SNX29: variants seen among roughly 807,000 people sequenced by gnomAD.
SNX29 encodes the protein sorting nexin-29.
A neutral mutation model predicts 102.1 loss-of-function variants in SNX29; 78 were observed. The observed-to-expected ratio is 0.76, with a 90% CI of 0.64 to 0.92. SNX29 has a LOEUF of 0.92. Ranked by LOEUF, SNX29 falls within the 40% of genes least tolerant of loss-of-function variation. The probability of loss-of-function intolerance (pLI) is 0.00; values close to 1 mark genes in which losing one functional copy is unlikely to be tolerated. For missense variants in SNX29, 1,280 were observed against 1,061.7 expected (o/e 1.21, Z -2.86); for synonymous variants, 580 against 414.5 (o/e 1.40, Z -4.85).
At chr16:11,985,119 A>G (rs770350547) in intron 1 of SNX29, among the ~76,000 whole-genome samples, 6 of 151,972 alleles carry the variant, frequency 3.9e-5, no homozygotes, top group African/African-American at 1.5e-4. Flanking sequence ...TTGGCCTATA[A>G]TTAAACTCAG....
intron 20 of SNX29, among the ~76,000 whole-genome samples, chr16:12,532,379 G>A (rs753447111): frequency 5.3e-5 from 8 of 152,160 alleles, no homozygotes; most frequent in East Asian, 1.9e-4. Context: ...TCCCAGCAGC[G>A]TTCACTTGTG....
At chr16:12,532,455 A>G (rs970550780) in intron 20 of SNX29, among the ~76,000 whole-genome samples, 7 of 152,180 alleles carry the variant, frequency 4.6e-5, no homozygotes, top group African/African-American at 1.7e-4. Flanking sequence ...GCTCAATATT[A>G]TTAAGCAAAC....
In SNX29 at chr16:12,398,460, G is replaced by A. The variant is rs753383932; in HGVS notation, c.1914G>A (p.Leu638=). Residue 638 remains leucine (L), a synonymous_variant, in exon 17 of 21, where the codon TTG becomes TTA. Transcript: ENST00000566228. The part of the protein sequence containing the change: ...IDLRGPVPGD[L]SQTSEDQSLS... ...CCTGATGGTAGGTGCCTGGAGATTT[G>A]AGTCAAACGTCCGAAGACCAGAGTT... 3 of 1,613,976 alleles carry A rather than the reference G, an allele frequency of 1.9e-6. No homozygotes were observed. The highest frequency in any genetic ancestry group is 1.1e-5 in the South Asian group (1 of 91,082).
chr16:12,196,157 G>GT (rs2076768035), intron 13 of SNX29, among the ~76,000 whole-genome samples: 1 of 151,900 alleles, frequency 6.6e-6, no homozygotes, highest in African/African-American at 2.4e-5. Context: ...TGCATTTTTT[G>GT]TAGAGATGGG....
At chr16:12,044,606 T>G (rs1307102210) in intron 5 of SNX29, among the ~76,000 whole-genome samples, 1 of 152,062 alleles carries the variant, frequency 6.6e-6, no homozygotes, top group African/African-American at 2.4e-5. Flanking sequence ...TGAGAAGAAG[T>G]CTCGCTTTTT....
At chr16:12,086,249 C>T (rs1017608551) in intron 11 of SNX29, among the ~76,000 whole-genome samples, 2 of 152,044 alleles carry the variant, frequency 1.3e-5, no homozygotes, top group Admixed American at 6.6e-5. Flanking sequence ...TGTGATCTGC[C>T]CGCCTCGGCG....
intron 20 of SNX29, among the ~76,000 whole-genome samples, chr16:12,542,450 G>C (rs192210267): frequency 1.3e-5 from 2 of 152,316 alleles, no homozygotes; most frequent in East Asian, 1.9e-4. Context: ...TGTTTCCTCA[G>C]CTTCCCAAGT....
At chr16:12,557,167 A>G (rs535829563) in intron 20 of SNX29, among the ~76,000 whole-genome samples, 2 of 152,202 alleles carry the variant, frequency 1.3e-5, no homozygotes, top group Admixed American at 1.3e-4. Context: ...CATTTTGGCT[A>G]TGTTCAAGGT....
chr16:12,506,669 A>T (rs1347054725), intron 19 of SNX29, among the ~76,000 whole-genome samples: 1 of 152,172 alleles, frequency 6.6e-6, no homozygotes. Context: ...ATTTCTTAGA[A>T]TCGTGTTCAG....
chr16:12,360,659 C>T (rs2082275494), intron 16 of SNX29, among the ~76,000 whole-genome samples: 1 of 151,588 alleles, frequency 6.6e-6, no homozygotes, highest in African/African-American at 2.4e-5. Context: ...CCACCCCCTA[C>T]CGTATTGAAA....
In SNX29 at chr16:12,228,138, A is replaced by G. The variant is rs551521785; in HGVS notation, c.1678+28455A>G. Among the ~76,000 whole-genome samples, 4 of 152,312 alleles carry G rather than the reference A, an allele frequency of 2.6e-5. No individual in the cohort carries two copies. The South Asian group carries it at 8.3e-4, about 32-fold the overall frequency. On this transcript the variant is annotated intron_variant, in intron 14 of 20. Coordinates refer to ENST00000566228, the MANE Select transcript of SNX29 (RefSeq NM_032167.5). The stretch of plus-strand genomic sequence containing the variant: ...AAAGAAAAGGAGAATGTCAGACCTT[A>G]CCGTCTCAGAGTCTGCACTTTAACA...
At position 12,329,276 on chromosome 16, in the gene SNX29, C is replaced by CCAAAAA. The variant is rs2081222328; in HGVS notation, c.1783-26887_1783-26886insCAAAAA. 3.4e-5 allele frequency among the ~76,000 whole-genome samples: 3 copies of CCAAAAA among 88,838 alleles called. No individual in the cohort carries two copies. The South Asian group carries it at 1.7e-3, about 50-fold the overall frequency. 58.3% of individuals were successfully genotyped at this position (88,838 alleles called of 152,430 possible). On this transcript the variant is annotated intron_variant, in intron 15 of 20. Transcript: ENST00000566228. ...TGAGCAACATGGTGAGACCTTGTCT[C>CCAAAAA]AAAAAAAAAAAAAAAAAAAGTGAAA...
intron 11 of SNX29, among the ~76,000 whole-genome samples, chr16:12,106,123 G>A (rs1470131851): frequency 2.0e-5 from 3 of 152,098 alleles, no homozygotes; most frequent in African/African-American, 7.2e-5. Flanking sequence ...TGCTCTCACC[G>A]GGGACTCTAG....
intron 14 of SNX29, among the ~76,000 whole-genome samples, chr16:12,210,972 A>G (rs1459875493): frequency 1.3e-5 from 2 of 152,110 alleles, no homozygotes; most frequent in Non-Finnish European, 2.9e-5. Flanking sequence ...TTTGAGGAGT[A>G]ATTGAGAGAA....
chr16:12,340,495 G>A (rs1371086192), intron 15 of SNX29, among the ~76,000 whole-genome samples: 1 of 152,244 alleles, frequency 6.6e-6, no homozygotes, highest in East Asian at 1.9e-4. Flanking sequence ...ATGGATGGAT[G>A]TGGGAGACAG....
Position 12,142,384 on chromosome 16 carries a change from G to T in SNX29, c.1595+12626G>T, listed in dbSNP as rs556002104. On this transcript the variant is annotated intron_variant, in intron 13 of 20. Transcript: ENST00000566228. ...GTCAGCAGCTGGCTGGTCTCATGATGTACCCCAGAGCAGCCAAGGAGCGTT... is the reference window on the plus strand; with the variant it reads ...GTCAGCAGCTGGCTGGTCTCATGATTTACCCCAGAGCAGCCAAGGAGCGTT... 1.6e-4 allele frequency among the ~76,000 whole-genome samples: 24 copies of T among 151,476 alleles called. No homozygotes were observed. The East Asian group carries it at 4.5e-3, about 28-fold the overall frequency.
rs1053160311 is a variant in SNX29 at position 12,002,996 on chromosome 16, G to C, written c.75G>C (p.Gln25His). Residue 25 changes from glutamine (Q) to histidine (H), a missense_variant, in exon 3 of 21, where the codon CAG becomes CAC. Transcript: ENST00000566228. ...CAGCTTCTTTTTCTGTGCAGTGCCA[G>C]ATCCGCTTTGGAGGGAGAAAGGAGA... is the stretch of plus-strand genomic sequence containing the variant. ...ERLLDAVKQC[Q>H]IRFGGRKEIA... The C allele has an allele frequency of 6.2e-7, 1 of 1,614,228 alleles. No homozygotes were observed. Among genetic ancestry groups the C allele is most frequent in the South Asian group, 1.1e-5 (1 of 91,088 alleles).
At chr16:12,179,829 T>C (rs1481717146) in intron 13 of SNX29, among the ~76,000 whole-genome samples, 1 of 152,254 alleles carries the variant, frequency 6.6e-6, no homozygotes, top group African/African-American at 2.4e-5. Context: ...TCTGAGAGTC[T>C]TAAATATGTT....
intron 13 of SNX29, among the ~76,000 whole-genome samples, chr16:12,193,384 A>G (rs945033148): frequency 8.6e-5 from 13 of 151,658 alleles, no homozygotes; most frequent in African/African-American, 2.4e-4. Context: ...CAGGAGAATC[A>G]CTTGAAGCCA....
Sources: allele counts gnomAD v4.1 joint callset (sites outside exome capture counted in the v4.1 genomes callset), GRCh38; gene constraint gnomAD v4.1.1; transcripts MANE v1.5; gene names NCBI Gene and HGNC (gene_info 2026-07-23, HGNC 2026-07-21).